Variants in MAST4 observed in about 807,000 individuals in gnomAD.
The protein encoded by MAST4 is microtubule-associated serine/threonine-protein kinase 4.
A neutral mutation model predicts 162.7 loss-of-function variants in MAST4; 89 were observed. The ratio of observed to expected loss-of-function variants is 0.55; its 90% CI spans 0.46 to 0.65. The LOEUF is 0.65. MAST4 is among the 30% of genes least tolerant of loss of function. The pLI is 0.00. For synonymous variants in MAST4, 1,479 were observed against 1,361.1 expected (o/e 1.09, Z -1.91); for missense variants, 3,153 against 3,374.0 (o/e 0.93, Z 1.62).
intron 23 of MAST4, 93 bp from the exon 24 acceptor site, chr5:67,149,296 C>A: frequency 9.0e-7 from 1 of 1,105,556 alleles, no homozygotes; most frequent in Non-Finnish European, 1.3e-6. Flanking sequence ...TGTTCTCTGG[C>A]GTTTACTCTT....
At chr5:66,818,683 GT>G (rs1272557745) in intron 3 of MAST4, among the ~76,000 whole-genome samples, 2 of 152,212 alleles carry the variant, frequency 1.3e-5, no homozygotes, top group Admixed American at 1.3e-4. Context: ...CTATCTGAAA[GT>G]TCTGCAGGGC....
At chr5:66,896,155 C>CT (rs1561423642) in intron 3 of MAST4, among the ~76,000 whole-genome samples, 1 of 152,086 alleles carries the variant, frequency 6.6e-6, no homozygotes, top group East Asian at 1.9e-4. Context: ...TCAATTTATT[C>CT]TTTTTTTTCA....
chr5:66,930,661 C>T (rs1023956811), intron 4 of MAST4: 1 of 466,902 alleles, frequency 2.1e-6, no homozygotes, highest in African/African-American at 2.0e-5. Flanking sequence ...ATATATTTGA[C>T]CCTTTGACAT....
rs6149054 is a variant in MAST4 at position 67,069,287 on chromosome 5, G to GATATATATATATATAT, written c.763+14805_763+14820dup. On this transcript the variant is annotated intron_variant, in intron 5 of 28. Transcript: ENST00000403625. Reference sequence around the variant, plus strand: ...CCTTTTCTGTTAAAGGAGGAGATTGGATATATATATATATATATATATATA... The same window carrying GATATATATATATATAT: ...CCTTTTCTGTTAAAGGAGGAGATTGGATATATATATATATATATATATATATATATATATATATATA... Among the ~76,000 whole-genome samples the GATATATATATATATAT allele has an allele frequency of 3.8e-3, 412 of 107,582 alleles. 21 individuals are homozygous for GATATATATATATATAT. Among genetic ancestry groups the GATATATATATATATAT allele is most frequent in the African/African-American group, 0.014 (333 of 24,418 alleles). 70.6% of individuals were successfully genotyped at this position (107,582 alleles called of 152,430 possible). A position where few individuals can be genotyped will look rare whatever the true frequency, so the allele number is the denominator to read the frequency against.
intron 3 of MAST4, among the ~76,000 whole-genome samples, chr5:66,815,519 C>T (rs1756675456): frequency 6.6e-6 from 1 of 152,178 alleles, no homozygotes; most frequent in African/African-American, 2.4e-5. Flanking sequence ...TTGGTACTAT[C>T]TGTGGTTTCG....
chr5:66,775,383 T>C (rs1238286893), intron 2 of MAST4, among the ~76,000 whole-genome samples: 1 of 152,128 alleles, frequency 6.6e-6, no homozygotes, highest in African/African-American at 2.4e-5. Context: ...ACTGTTACTA[T>C]AAAACATGAG....
chr5:67,142,620 A>C, intron 21 of MAST4, 87 bp downstream of exon 21: 1 of 901,972 alleles, frequency 1.1e-6, no homozygotes, highest in Admixed American at 2.4e-5. Context: ...CTGGACACTT[A>C]CCGTTTTCCA....
intron 1 of MAST4, among the ~76,000 whole-genome samples, chr5:66,684,910 G>C (rs1015877788): frequency 6.6e-6 from 1 of 152,114 alleles, no homozygotes; most frequent in African/African-American, 2.4e-5. Flanking sequence ...ATTCCAGTAA[G>C]TTCTTCTGGC....
At chr5:66,959,163 T>C in intron 4 of MAST4, 1 of 774,112 alleles carries the variant, frequency 1.3e-6, no homozygotes, top group Non-Finnish European at 2.4e-6. Context: ...TTTAGAGAGG[T>C]TCGGTTTGGC....
chr5:67,136,823 TTTG>T (rs1467604131), intron 19 of MAST4, among the ~76,000 whole-genome samples, 159 bp downstream of exon 19: 1 of 152,242 alleles, frequency 6.6e-6, no homozygotes, highest in African/African-American at 2.4e-5. Flanking sequence ...TATTTTGGAT[TTTG>T]TTTTCTGATT....
rs139417748 is a variant in MAST4 at position 66,896,190 on chromosome 5, C to T, written c.643-3761C>T. 2.0e-3 allele frequency among the ~76,000 whole-genome samples: 308 copies of T among 152,126 alleles called. 1 individual carries two copies. The Middle Eastern group carries it at 0.024, about 12-fold the overall frequency. On this transcript the variant is annotated intron_variant, in intron 3 of 28. Transcript: ENST00000403625. ...ACAGCCTTGACAGCTTTAAGGAGCA[C>T]GGGTCAGATGTTTTTAGAAGGTCCC...
At chr5:66,627,647 T>A (rs778050140) in intron 1 of MAST4, among the ~76,000 whole-genome samples, 1 of 152,166 alleles carries the variant, frequency 6.6e-6, no homozygotes, top group Non-Finnish European at 1.5e-5. Context: ...ATCTTTCTTC[T>A]AACCATTTAT....
At chr5:67,150,234 T>G (rs1456350090) in intron 24 of MAST4, among the ~76,000 whole-genome samples, 2 of 152,224 alleles carry the variant, frequency 1.3e-5, no homozygotes, top group African/African-American at 4.8e-5. Context: ...GATCACTAAC[T>G]CTGTAGTAAT....
chr5:66,940,302 A>T (rs924153622), intron 4 of MAST4, among the ~76,000 whole-genome samples: 3 of 152,130 alleles, frequency 2.0e-5, no homozygotes, highest in Non-Finnish European at 4.4e-5. Context: ...AAATAATTCA[A>T]CAATGAGGTT....
rs2150136706 is a variant in MAST4, at chr5:66,953,462, C to A, written c.674+53480C>A. On this transcript the variant is annotated intron_variant, in intron 4 of 28. Coordinates refer to ENST00000403625, the MANE Select transcript of MAST4 (RefSeq NM_001164664.2). ...TTTGTATGTAGTTTGGATCATATTG[C>A]TTTTAAGAATTCCATATCTAGGTTG... Among the ~76,000 whole-genome samples, 3 of 152,170 alleles carry A rather than the reference C, an allele frequency of 2.0e-5. No homozygotes were observed. In the Middle Eastern group the frequency reaches 0.01, roughly 518 times the overall value.
Position 67,163,383 on chromosome 5 carries a change from C to T in MAST4, c.4204C>T (p.His1402Tyr). The T allele has an allele frequency of 6.2e-7, 1 of 1,612,534 alleles. No homozygotes were observed. Among genetic ancestry groups the T allele is most frequent in the Non-Finnish European group, 8.5e-7 (1 of 1,179,878 alleles). The change falls in exon 29 of 29, where the codon CAC (histidine) becomes TAC (tyrosine). Residue 1402 changes from histidine (H) to tyrosine (Y), a missense_variant. Around this residue, in one of 7 missense-constraint regions of MAST4, gnomAD observed 619 missense variants for 744.2 expected, o/e 0.83. Transcript: ENST00000403625. The surrounding 1 kb of genome is among the most constrained non-coding windows in gnomAD (Gnocchi z 7.0). ...GCGGTCACCATCCCCTCTTCTGGGACACTCACTGGGCAATTCCAAGATCGC... is the reference window on the plus strand; with the variant it reads ...GCGGTCACCATCCCCTCTTCTGGGATACTCACTGGGCAATTCCAAGATCGC... ...PQRSPSPLLGHSLGNSKIAQA... is the reference protein window; with the variant it reads ...PQRSPSPLLGYSLGNSKIAQA...
chr5:66,660,414 G>A (rs35582269), intron 1 of MAST4, among the ~76,000 whole-genome samples: 32,626 of 152,044 alleles, frequency 0.21, 3,814 homozygotes, highest in South Asian at 0.35. Flanking sequence ...TGAAGACATA[G>A]AGATGTGGTT....
At chr5:66,883,420 C>G (rs953867457) in intron 3 of MAST4, among the ~76,000 whole-genome samples, 2 of 125,514 alleles carry the variant, frequency 1.6e-5, no homozygotes, top group Non-Finnish European at 3.3e-5. Context: ...TGTTCTGTCA[C>G]TGTTTTTTTT....
chr5:67,030,956 T>G (rs1005024119), intron 4 of MAST4, among the ~76,000 whole-genome samples: 3 of 152,206 alleles, frequency 2.0e-5, no homozygotes, highest in African/African-American at 7.2e-5. Context: ...CAGAAGTTGC[T>G]AGAATTTGAC....
Sources: gnomAD v4.1 joint callset for allele counts (sites outside exome capture counted in the v4.1 genomes callset) on GRCh38, gnomAD v4.1.1 for gene constraint, gnomAD v4.1.1 regional missense constraint, Gnocchi (gnomAD v3.1) non-coding constraint, MANE v1.5 for transcripts, NCBI Gene and HGNC (gene_info 2026-07-23, HGNC 2026-07-21) for gene names.